GPR158: variants seen among roughly 807,000 people sequenced by gnomAD.
GPR158 encodes the protein metabotropic glycine receptor.
A neutral mutation model predicts 78.2 loss-of-function variants in GPR158; 30 were observed. The observed-to-expected ratio is 0.38, with a 90% confidence interval of 0.29 to 0.52. GPR158 has a LOEUF of 0.52. GPR158 is among the 20% of genes least tolerant of loss of function. The pLI, the probability that GPR158 is intolerant of heterozygous loss-of-function variation, is 0.83. For missense variants in GPR158, 1,463 were observed against 1,523.5 expected (o/e 0.96, Z 0.66); for synonymous variants, 581 against 591.1 (o/e 0.98, Z 0.25).
intron 5 of GPR158, among the ~76,000 whole-genome samples, chr10:25,505,648 A>C (rs1836003119): frequency 6.6e-6 from 1 of 152,208 alleles, no homozygotes; most frequent in African/African-American, 2.4e-5. Context: ...TATAGTATGC[A>C]AGGCACTCAG....
rs189195225 is a variant in GPR158, at chr10:25,509,456, G to A, written c.1405-41520G>A. On this transcript the variant is annotated intron_variant, in intron 5 of 10. Transcript: ENST00000376351. ...GCAGAAATGGCTTCTCTCTGCTCCCGGATGTCTGAGCCTCTTCTGGAAGAC... is the reference window on the plus strand; with the variant it reads ...GCAGAAATGGCTTCTCTCTGCTCCCAGATGTCTGAGCCTCTTCTGGAAGAC... Among the ~76,000 whole-genome samples the A allele has an allele frequency of 6.7e-4, 102 of 152,236 alleles. 1 individual carries two copies. Among genetic ancestry groups the A allele is most frequent in the Admixed American group, 5.0e-3 (77 of 15,288 alleles).
At chr10:25,388,962 C>T (rs912053529) in intron 2 of GPR158, among the ~76,000 whole-genome samples, 2 of 152,196 alleles carry the variant, frequency 1.3e-5, no homozygotes, top group African/African-American at 4.8e-5. Context: ...TGCTGACAGG[C>T]CAGCCCCTGC....
Position 25,373,843 on chromosome 10 carries a change from C to T in GPR158, c.1009-22068C>T, listed in dbSNP as rs148511198. Among the ~76,000 whole-genome samples the T allele has an allele frequency of 1.9e-3, 295 of 151,698 alleles. 3 individuals are homozygous for T. The highest frequency in any genetic ancestry group is 2.9e-3 in the African/African-American group (121 of 41,416). On this transcript the variant is annotated intron_variant, in intron 2 of 10. Transcript: ENST00000376351. Reference sequence around the variant, plus strand: ...AATCTGTGGAGAGTCCCTTTTAGTCCACTGTATATTCAAATTTTATAAATC... The same window carrying T: ...AATCTGTGGAGAGTCCCTTTTAGTCTACTGTATATTCAAATTTTATAAATC...
chr10:25,469,849 T>G (rs1412471483), intron 5 of GPR158, among the ~76,000 whole-genome samples: 1 of 144,976 alleles, frequency 6.9e-6, no homozygotes, highest in Non-Finnish European at 1.5e-5. Flanking sequence ...CAACATTCAC[T>G]GCTACCACCT....
intron 4 of GPR158, among the ~76,000 whole-genome samples, chr10:25,421,388 A>G (rs554500960): frequency 7.0e-4 from 107 of 152,198 alleles, no homozygotes; most frequent in Non-Finnish European, 1.3e-3. Context: ...GAAGTATGGT[A>G]TAATATGTGA....
At chr10:25,449,302 T>C (rs1835183035) in intron 4 of GPR158, among the ~76,000 whole-genome samples, 1 of 152,244 alleles carries the variant, frequency 6.6e-6, no homozygotes, top group South Asian at 2.1e-4. Flanking sequence ...TTGGATTTTA[T>C]GGAAATTCCA....
intron 5 of GPR158, among the ~76,000 whole-genome samples, chr10:25,474,237 C>T (rs976932661): frequency 6.6e-6 from 1 of 152,090 alleles, no homozygotes; most frequent in Non-Finnish European, 1.5e-5. Flanking sequence ...ATTTTAGTTC[C>T]TTAAGACTCA....
intron 5 of GPR158, among the ~76,000 whole-genome samples, chr10:25,521,285 A>T (rs1294249311): frequency 6.6e-6 from 1 of 152,048 alleles, no homozygotes; most frequent in East Asian, 1.9e-4. Flanking sequence ...AGTGAGATGA[A>T]CCCGGTACCT....
chr10:25,376,043 CT>C (rs1834074819), intron 2 of GPR158, among the ~76,000 whole-genome samples: 1 of 151,460 alleles, frequency 6.6e-6, no homozygotes, highest in Non-Finnish European at 1.5e-5. Flanking sequence ...TTATATAGGT[CT>C]TTGATTTCTT....
chr10:25,244,257 C>T (rs1397440134), intron 2 of GPR158: 3 of 152,120 alleles, frequency 2.0e-5, no homozygotes, highest in Admixed American at 2.0e-4. Context: ...GCTATTTTAT[C>T]TCTTCATATG....
At chr10:25,291,343 A>G (rs1357613933) in intron 2 of GPR158, among the ~76,000 whole-genome samples, 1 of 152,070 alleles carries the variant, frequency 6.6e-6, no homozygotes, top group Admixed American at 6.5e-5. Context: ...GGGAAATGGG[A>G]TCAATTTCTG....
chr10:25,242,902 T>C (rs1487402270), intron 2 of GPR158, among the ~76,000 whole-genome samples: 2 of 152,194 alleles, frequency 1.3e-5, no homozygotes, highest in African/African-American at 4.8e-5. Context: ...CATGGGTCTA[T>C]TACCTAACCT....
At chr10:25,466,442 G>A (rs1835425328) in intron 4 of GPR158, 1 of 429,358 alleles carries the variant, frequency 2.3e-6, no homozygotes, top group South Asian at 5.9e-5. Flanking sequence ...AGCCACTGGC[G>A]ATATTATTAA....
At chr10:25,571,709 C>A (rs1167611578) in intron 6 of GPR158, among the ~76,000 whole-genome samples, 1 of 151,890 alleles carries the variant, frequency 6.6e-6, no homozygotes, top group African/African-American at 2.4e-5. Flanking sequence ...GTAGAGAATT[C>A]CTATAGTAAG....
intron 2 of GPR158, among the ~76,000 whole-genome samples, chr10:25,296,370 G>A (rs1854513823): frequency 6.6e-6 from 1 of 151,982 alleles, no homozygotes; most frequent in Non-Finnish European, 1.5e-5. Flanking sequence ...GATCTGGTAG[G>A]GGTATCAACA....
intron 2 of GPR158, among the ~76,000 whole-genome samples, chr10:25,318,136 T>C (rs936546001): frequency 6.6e-6 from 1 of 152,220 alleles, no homozygotes; most frequent in Non-Finnish European, 1.5e-5. Flanking sequence ...AAGTGAAATA[T>C]AGTTTATTTA....
chr10:25,317,869 C>T (rs957598941), intron 2 of GPR158, among the ~76,000 whole-genome samples: 5 of 152,116 alleles, frequency 3.3e-5, no homozygotes, highest in African/African-American at 1.2e-4. Context: ...GCTGGGATTA[C>T]AGGCATGTGC....
chr10:25,345,042 A>G (rs1488916930), intron 2 of GPR158, among the ~76,000 whole-genome samples: 1 of 151,928 alleles, frequency 6.6e-6, no homozygotes, highest in East Asian at 1.9e-4. Context: ...TCCTAATACT[A>G]TCACCTTGGG....
Position 25,374,352 on chromosome 10 carries a change from G to A in GPR158, c.1009-21559G>A, listed in dbSNP as rs991282375. ...GTATTCCCCAATGGTAACATCATAT[G>A]TAACTGTGGTATAATATCAAAACTA... On this transcript the variant is annotated intron_variant, in intron 2 of 10. Transcript: ENST00000376351. Among the ~76,000 whole-genome samples the A allele has an allele frequency of 2.0e-5, 3 of 151,510 alleles. 1 individual carries two copies. Among genetic ancestry groups the A allele is most frequent in the African/African-American group, 7.3e-5 (3 of 41,326 alleles).
Sources: gnomAD v4.1 joint callset for allele counts (sites outside exome capture counted in the v4.1 genomes callset) on GRCh38, gnomAD v4.1.1 for gene constraint, MANE v1.5 for transcripts, NCBI Gene and HGNC (gene_info 2026-07-23, HGNC 2026-07-21) for gene names.